The following ANGPT4 variants were observed in gnomAD, a reference collection of about 807,000 sequenced individuals.
ANGPT4 encodes the protein angiopoietin 4.
A neutral mutation model predicts 53.0 loss-of-function variants in ANGPT4; 50 were observed. That is an observed-to-expected ratio of 0.94 (90% CI 0.75 to 1.20). The LOEUF (loss-of-function observed/expected upper bound fraction) is 1.20. ANGPT4 is among the 50% of genes most tolerant of loss of function. The pLI is 0.00. For missense variants in ANGPT4, 648 were observed against 637.1 expected (o/e 1.02, Z -0.18); for synonymous variants, 251 against 259.7 (o/e 0.97, Z 0.32).
intron 7 of ANGPT4, 85 bp from the exon 8 acceptor site, chr20:874,499 T>G: frequency 6.4e-7 from 1 of 1,556,888 alleles, no homozygotes; most frequent in Non-Finnish European, 8.7e-7. Context: ...CCAGTGGCTT[T>G]GTCCCAGGCT....
Position 881,161 on chromosome 20 carries a change from G to A in ANGPT4, c.951+10C>T. 6.4e-7 allele frequency: 1 copy of A among 1,559,684 alleles called. No homozygotes were observed. Among genetic ancestry groups the A allele is most frequent in the South Asian group, 1.2e-5 (1 of 81,700 alleles). On this transcript the variant is annotated intron_variant, in intron 5 of 8. Coordinates refer to ENST00000381922, the MANE Select transcript of ANGPT4 (RefSeq NM_015985.4). Reference sequence around the variant, plus strand: ...CTCTAACAGCCACAGTTCCCAGGGAGCCCCCTAACCTTCCTGGGCTTCGTT... The same window carrying A: ...CTCTAACAGCCACAGTTCCCAGGGAACCCCCTAACCTTCCTGGGCTTCGTT...
intron 3 of ANGPT4, 60 bp from the exon 4 acceptor site, chr20:885,385 C>A (rs1981582528): frequency 6.9e-7 from 1 of 1,454,042 alleles, no homozygotes; most frequent in Non-Finnish European, 9.0e-7. Context: ...CGCACCCCCG[C>A]GCGCCTCCCC....
At chr20:890,741 T>C (rs939042106) in intron 1 of ANGPT4, among the ~76,000 whole-genome samples, 1 of 152,166 alleles carries the variant, frequency 6.6e-6, no homozygotes, top group Non-Finnish European at 1.5e-5. Context: ...CCTCCGTGAC[T>C]GGGCCTGCCA....
chr20:915,914 G>T lies in ANGPT4; in HGVS notation c.301C>A (p.Leu101Met). 6.4e-7 allele frequency: 1 copy of T among 1,570,374 alleles called. No individual in the cohort carries two copies. Residue 101 changes from leucine (L) to methionine (M), a missense_variant, in exon 1 of 9, where the codon CTG becomes ATG. Leu to Met is a conservative substitution (Grantham distance 15). Transcript: ENST00000381922. ...EQALQNNTQW[L>M]KKLERAIKTI... is the part of the protein sequence containing the mutation. ...CCTCCCATGCCCCGTACCTTCTTCA[G>T]CCACTGCGTGTTGTTCTGCAGTGCC... is the stretch of plus-strand genomic sequence containing the variant.
chr20:893,820 G>T (rs1362303974), intron 1 of ANGPT4, among the ~76,000 whole-genome samples: 1 of 151,930 alleles, frequency 6.6e-6, no homozygotes, highest in African/African-American at 2.4e-5. Flanking sequence ...TTTTCTTAGC[G>T]GCCACACTCA....
At chr20:910,660 G>A (rs1383197472) in intron 1 of ANGPT4, among the ~76,000 whole-genome samples, 1 of 152,230 alleles carries the variant, frequency 6.6e-6, no homozygotes, top group Non-Finnish European at 1.5e-5. Flanking sequence ...AAGAAGGTCT[G>A]TGTACATCCC....
At chr20:875,066 T>A (rs1981112332) in intron 7 of ANGPT4, among the ~76,000 whole-genome samples, 1 of 152,064 alleles carries the variant, frequency 6.6e-6, no homozygotes, top group Non-Finnish European at 1.5e-5. Context: ...ATCTACTATG[T>A]GTTCAAAGTG....
At chr20:896,081 C>A (rs1256780315) in intron 1 of ANGPT4, among the ~76,000 whole-genome samples, 1 of 152,132 alleles carries the variant, frequency 6.6e-6, no homozygotes, top group East Asian at 1.9e-4. Flanking sequence ...GCCCCCAACA[C>A]AAGGTTCTAT....
intron 1 of ANGPT4, among the ~76,000 whole-genome samples, chr20:913,349 G>T (rs1340744713): frequency 1.3e-5 from 2 of 152,164 alleles, no homozygotes; most frequent in Admixed American, 6.5e-5. Context: ...GTCAGAGGGG[G>T]CAGAGAGAAA....
intron 1 of ANGPT4, among the ~76,000 whole-genome samples, chr20:899,475 G>T (rs1043229528): frequency 6.6e-6 from 1 of 151,752 alleles, no homozygotes; most frequent in Non-Finnish European, 1.5e-5. Context: ...GGATATTCTC[G>T]ATTTCCTGAC....
At position 914,421 on chromosome 20, in the gene ANGPT4, G is replaced by A. The variant is rs1294883784; in HGVS notation, c.309+1485C>T. Among the ~76,000 whole-genome samples, 2 of 152,110 alleles carry A rather than the reference G, an allele frequency of 1.3e-5. No homozygotes were observed. Among genetic ancestry groups the A allele is most frequent in the African/African-American group, 2.4e-5 (1 of 41,404 alleles). On this transcript the variant is annotated intron_variant, in intron 1 of 8. Transcript: ENST00000381922. The surrounding 1 kb of genome is among the most constrained non-coding windows in gnomAD (Gnocchi z 5.0). Reference sequence around the variant, plus strand: ...GGAGTCTGGGAGAGGGAACTCCAGGGAGTAAGGGTTCTTGCTTTTATTCGG... The same window carrying A: ...GGAGTCTGGGAGAGGGAACTCCAGGAAGTAAGGGTTCTTGCTTTTATTCGG...
chr20:885,383 C>G, intron 3 of ANGPT4, 58 bp from the exon 4 acceptor site: 1 of 1,457,924 alleles, frequency 6.9e-7, no homozygotes, highest in African/African-American at 1.4e-5. Flanking sequence ...CACGCACCCC[C>G]GCGCGCCTCC....
intron 6 of ANGPT4, among the ~76,000 whole-genome samples, chr20:879,513 A>C (rs1360470495): frequency 6.6e-6 from 1 of 152,070 alleles, no homozygotes; most frequent in Non-Finnish European, 1.5e-5. Flanking sequence ...TTTTTAAAAA[A>C]AATTAAAACA....
At chr20:884,950 C>G in intron 4 of ANGPT4, 128 bp downstream of exon 4, 3 of 1,299,812 alleles carry the variant, frequency 2.3e-6, no homozygotes, top group Non-Finnish European at 3.1e-6. Flanking sequence ...TTCTATTTCA[C>G]AGATGGTCGG....
chr20:905,204 C>T (rs1196259426), intron 1 of ANGPT4, among the ~76,000 whole-genome samples: 1 of 152,212 alleles, frequency 6.6e-6, no homozygotes. Flanking sequence ...CTGGCTTCTA[C>T]ACAGTACTTC....
At chr20:885,676 T>C (rs899799222) in intron 3 of ANGPT4, among the ~76,000 whole-genome samples, 2 of 152,056 alleles carry the variant, frequency 1.3e-5, no homozygotes, top group African/African-American at 4.8e-5. Context: ...TTGCTTGTAA[T>C]AGAAAAACAA....
rs781511303 is a variant in ANGPT4, at chr20:890,284, G to A, written c.394C>T (p.Leu132=). 12 of 1,613,886 alleles carry A rather than the reference G, an allele frequency of 7.4e-6. No homozygotes were observed. The highest frequency in any genetic ancestry group is 3.3e-4 in the Middle Eastern group (2 of 6,082). ...QMAQNQTAPM[L]ELGTSLLNQT... ...TTCAGGAGGCTGGTGCCCAGCTCTA[G>A]CATGGGGGCCGTCTGATTCTGGGCC... is the stretch of plus-strand genomic sequence containing the variant. Residue 132 remains leucine (L), a synonymous_variant, in exon 2 of 9, where the codon CTA becomes TTA. Coordinates refer to ENST00000381922, the MANE Select transcript of ANGPT4 (RefSeq NM_015985.4).
In ANGPT4 at chr20:878,148, GC is replaced by G. The variant is rs1981243876; in HGVS notation, c.1220+12del. ...GACCCCAGCCCCCACAACGGCCTGG[GC>G]CCCGAACCCACCTGTATAGCTGGTT... On this transcript the variant is annotated intron_variant, in intron 7 of 8. Coordinates refer to ENST00000381922, the MANE Select transcript of ANGPT4 (RefSeq NM_015985.4). 1 of 1,580,342 alleles carries G rather than the reference GC, an allele frequency of 6.3e-7. No individual in the cohort carries two copies. Among genetic ancestry groups the G allele is most frequent in the African/African-American group, 1.3e-5 (1 of 74,392 alleles).
intron 4 of ANGPT4, among the ~76,000 whole-genome samples, chr20:882,925 G>A (rs1156939125): frequency 1.3e-5 from 2 of 152,238 alleles, no homozygotes; most frequent in Non-Finnish European, 2.9e-5. Flanking sequence ...GGAGGCATAA[G>A]AATAGGATGG....
Sources: gnomAD v4.1 joint callset for allele counts (sites outside exome capture counted in the v4.1 genomes callset) on GRCh38, gnomAD v4.1.1 for gene constraint, Gnocchi (gnomAD v3.1) non-coding constraint, MANE v1.5 for transcripts, NCBI Gene and HGNC (gene_info 2026-07-23, HGNC 2026-07-21) for gene names.